NAALADL2: variants seen among roughly 807,000 people sequenced by gnomAD.
NAALADL2 encodes the protein inactive N-acetylated-alpha-linked acidic dipeptidase-like protein 2.
Under a neutral mutation model 87.2 loss-of-function variants are expected in NAALADL2, and 76 were observed. The ratio of observed to expected loss-of-function variants is 0.87; its 90% CI spans 0.72 to 1.05. The LOEUF (loss-of-function observed/expected upper bound fraction) is 1.05. Among genes scored for constraint, NAALADL2 ranks in the 50% least tolerant of loss-of-function variants. The pLI is 0.00. For synonymous variants in NAALADL2, 354 were observed against 331.0 expected (o/e 1.07, Z -0.75); for missense variants, 1,089 against 945.8 (o/e 1.15, Z -1.99).
chr3:175,637,923 T>A, intron 11 of NAALADL2, among the ~76,000 whole-genome samples: 1 of 152,166 alleles, frequency 6.6e-6, no homozygotes, highest in East Asian at 1.9e-4. Context: ...CCTATAGAGA[T>A]ATTACATTAG....
At chr3:175,618,644 C>T (rs1384382892) in intron 10 of NAALADL2, among the ~76,000 whole-genome samples, 1 of 152,110 alleles carries the variant, frequency 6.6e-6, no homozygotes, top group African/African-American at 2.4e-5. Context: ...AGTCGCCTTC[C>T]TCCTTTTGGA....
At chr3:175,376,041 C>T (rs1767082225) in intron 5 of NAALADL2, among the ~76,000 whole-genome samples, 1 of 152,010 alleles carries the variant, frequency 6.6e-6, no homozygotes, top group South Asian at 2.1e-4. Context: ...TGTATACTTT[C>T]ATTTTTCTCT....
chr3:174,945,460 G>A (rs978719643), intron 1 of NAALADL2, among the ~76,000 whole-genome samples: 1 of 152,004 alleles, frequency 6.6e-6, no homozygotes, highest in African/African-American at 2.4e-5. Flanking sequence ...GAATCCCTGG[G>A]GCAAAAATTT....
chr3:174,632,933 C>CAAAAAA (rs56809226), intron 2 of NAALADL2, among the ~76,000 whole-genome samples: 4 of 63,774 alleles, frequency 6.3e-5, no homozygotes, highest in Non-Finnish European at 9.2e-5. Flanking sequence ...GACTCTGTCT[C>CAAAAAA]AAAAAAAAAA....
chr3:175,383,334 A>G (rs1383115053), intron 5 of NAALADL2, among the ~76,000 whole-genome samples: 1 of 152,028 alleles, frequency 6.6e-6, no homozygotes, highest in Non-Finnish European at 1.5e-5. Flanking sequence ...TATGGGGCAC[A>G]ATATGATGTT....
intron 5 of NAALADL2, among the ~76,000 whole-genome samples, chr3:175,336,768 C>T (rs976168806): frequency 1.3e-5 from 2 of 152,142 alleles, no homozygotes. Flanking sequence ...ATGATCTGTT[C>T]CAGTTCATTG....
intron 5 of NAALADL2, among the ~76,000 whole-genome samples, chr3:175,394,101 T>A (rs943094886): frequency 2.6e-4 from 39 of 152,292 alleles, no homozygotes; most frequent in African/African-American, 8.9e-4. Context: ...ATATACTCTT[T>A]GCTATTCCTG....
chr3:175,762,150 T>C (rs1257092887), intron 13 of NAALADL2, among the ~76,000 whole-genome samples: 1 of 151,636 alleles, frequency 6.6e-6, no homozygotes, highest in African/African-American at 2.4e-5. Context: ...CTATGATCCA[T>C]TCTGAGTTAA....
At chr3:175,376,085 C>T (rs1352405264) in intron 5 of NAALADL2, among the ~76,000 whole-genome samples, 1 of 152,018 alleles carries the variant, frequency 6.6e-6, no homozygotes, top group African/African-American at 2.4e-5. Flanking sequence ...ATGCTTAATT[C>T]AGCAATTGCT....
chr3:175,451,176 T>C (rs1721511079), intron 6 of NAALADL2, among the ~76,000 whole-genome samples: 1 of 152,172 alleles, frequency 6.6e-6, no homozygotes, highest in Non-Finnish European at 1.5e-5. Context: ...TCAGCCTATT[T>C]ATATTTGGTT....
At chr3:175,179,424 G>C (rs1300835802) in intron 2 of NAALADL2, among the ~76,000 whole-genome samples, 1 of 151,936 alleles carries the variant, frequency 6.6e-6, no homozygotes, top group African/African-American at 2.4e-5. Context: ...TCTTTATTAA[G>C]ACCACTATGG....
At chr3:175,111,157 G>T (rs1235670462) in intron 2 of NAALADL2, among the ~76,000 whole-genome samples, 1 of 151,674 alleles carries the variant, frequency 6.6e-6, no homozygotes, top group Non-Finnish European at 1.5e-5. Flanking sequence ...GCTATGTCCA[G>T]GTGCGGGGAA....
intron 3 of NAALADL2, among the ~76,000 whole-genome samples, chr3:175,243,816 A>G (rs767725030): frequency 1.3e-5 from 2 of 152,172 alleles, no homozygotes; most frequent in African/African-American, 2.4e-5. Flanking sequence ...AGATTTCCCA[A>G]GGTCTGAAAT....
At chr3:175,206,720 G>C (rs1003277197) in intron 2 of NAALADL2, among the ~76,000 whole-genome samples, 1 of 152,010 alleles carries the variant, frequency 6.6e-6, no homozygotes, top group Non-Finnish European at 1.5e-5. Context: ...ATAAAAAAGA[G>C]CATAGAGAAA....
chr3:174,757,749 C>T (rs1018459269), intron 3 of NAALADL2, among the ~76,000 whole-genome samples: 13 of 151,990 alleles, frequency 8.6e-5, no homozygotes, highest in African/African-American at 2.9e-4. Context: ...GTGATCCACC[C>T]GCCTCAGCCT....
At chr3:174,824,615 A>C (rs981028514) in intron 3 of NAALADL2, among the ~76,000 whole-genome samples, 1 of 152,230 alleles carries the variant, frequency 6.6e-6, no homozygotes, top group Non-Finnish European at 1.5e-5. Context: ...TGAATATAAT[A>C]AAGTTAGTTT....
chr3:174,830,561 T>C (rs569553903), intron 3 of NAALADL2, among the ~76,000 whole-genome samples: 202 of 151,842 alleles, frequency 1.3e-3, no homozygotes, highest in African/African-American at 4.6e-3. Context: ...CCTCCAGCTT[T>C]GTTCTTTTGG....
rs144423635 is a variant in NAALADL2 at position 175,793,417 on chromosome 3, C to A, written c.2190-9588C>A. ...CTCGGCCACCCGTGTTCACGCCATTCTCCTGCCTCACCCTCCCGAGTAGCT... is the reference window on the plus strand; with the variant it reads ...CTCGGCCACCCGTGTTCACGCCATTATCCTGCCTCACCCTCCCGAGTAGCT... On this transcript the variant is annotated intron_variant, in intron 13 of 13. Transcript: ENST00000454872. 2.7e-5 allele frequency among the ~76,000 whole-genome samples: 4 copies of A among 150,022 alleles called. No homozygotes were observed. In the East Asian group the frequency reaches 7.9e-4, roughly 30 times the overall value.
intron 5 of NAALADL2, among the ~76,000 whole-genome samples, chr3:175,381,752 G>A (rs962143715): frequency 2.0e-5 from 3 of 152,138 alleles, no homozygotes; most frequent in African/African-American, 4.8e-5. Flanking sequence ...AATTTCATGT[G>A]AGTAAATTCA....
Sources: gnomAD v4.1 joint callset for allele counts (sites outside exome capture counted in the v4.1 genomes callset) on GRCh38, gnomAD v4.1.1 for gene constraint, MANE v1.5 for transcripts, NCBI Gene and HGNC (gene_info 2026-07-23, HGNC 2026-07-21) for gene names.